The following RTTN variants were observed in gnomAD, a reference collection of about 807,000 sequenced individuals.
The protein encoded by RTTN is rotatin.
Under a neutral mutation model 269.2 loss-of-function variants are expected in RTTN, and 182 were observed. The observed-to-expected ratio is 0.68, with a 90% CI of 0.60 to 0.76. The LOEUF (loss-of-function observed/expected upper bound fraction) is 0.76. Ranked by LOEUF, RTTN falls within the 30% of genes least tolerant of loss-of-function variation. The probability of loss-of-function intolerance (pLI) is 0.00; values close to 1 mark genes in which losing one functional copy is unlikely to be tolerated. For synonymous variants in RTTN, 1,006 were observed against 963.5 expected (o/e 1.04, Z -0.82); for missense variants, 2,545 against 2,608.6 (o/e 0.98, Z 0.53).
Position 70,020,451 on chromosome 18 carries a change from T to A in RTTN, c.6153+164A>T, listed in dbSNP as rs544034828. On this transcript the variant is annotated intron_variant, in intron 45 of 48. Transcript: ENST00000640769. Reference sequence around the variant, plus strand: ...CCTGTCCTTCTGCACGTGTCATCTATCAACTGGCTTTAAACAAAGTGAACC... The same window carrying A: ...CCTGTCCTTCTGCACGTGTCATCTAACAACTGGCTTTAAACAAAGTGAACC... Among the ~76,000 whole-genome samples the A allele has an allele frequency of 2.6e-5, 4 of 152,332 alleles. No individual in the cohort carries two copies. In the South Asian group the frequency reaches 8.3e-4, roughly 32 times the overall value.
At chr18:70,063,810 TA>T in intron 35 of RTTN, among the ~76,000 whole-genome samples, 1 of 152,194 alleles carries the variant, frequency 6.6e-6, no homozygotes, top group East Asian at 1.9e-4. Flanking sequence ...ATTTATTTTG[TA>T]AAACTAAGGA....
chr18:70,033,438 A>T (rs1170283275), intron 40 of RTTN, among the ~76,000 whole-genome samples: 1 of 152,244 alleles, frequency 6.6e-6, no homozygotes, highest in African/African-American at 2.4e-5. Context: ...AAAACCATTC[A>T]TTTACATTGA....
At chr18:70,199,572 G>T (rs1360716262) in intron 4 of RTTN, 68 bp from the exon 5 acceptor site, 1 of 1,147,898 alleles carries the variant, frequency 8.7e-7, no homozygotes, top group Non-Finnish European at 1.3e-6. Context: ...AATGTTAAGA[G>T]TAAGTTTTCC....
intron 8 of RTTN, among the ~76,000 whole-genome samples, chr18:70,192,810 A>G (rs2061708353): frequency 6.6e-6 from 1 of 152,218 alleles, no homozygotes; most frequent in South Asian, 2.1e-4. Flanking sequence ...TTGTTATAAG[A>G]CTTACAAAAA....
chr18:70,019,436 C>G (rs534988479), intron 45 of RTTN: 23 of 152,238 alleles, frequency 1.5e-4, no homozygotes, highest in African/African-American at 4.8e-4. Context: ...AAGAGAATGT[C>G]TCATTTTGGA....
chr18:70,076,993 A>C (rs182608548), intron 32 of RTTN, among the ~76,000 whole-genome samples: 4 of 152,062 alleles, frequency 2.6e-5, no homozygotes, highest in African/African-American at 9.6e-5. Flanking sequence ...AAACACGCCA[A>C]ACACCCAAGA....
At chr18:70,176,389 AC>A (rs1276716773) in intron 11 of RTTN, among the ~76,000 whole-genome samples, 2 of 152,196 alleles carry the variant, frequency 1.3e-5, no homozygotes, top group Non-Finnish European at 2.9e-5. Flanking sequence ...TAAATTATTC[AC>A]TGAATGAACA....
intron 40 of RTTN, among the ~76,000 whole-genome samples, chr18:70,044,701 C>T (rs1296020267): frequency 6.6e-6 from 1 of 152,124 alleles, no homozygotes; most frequent in African/African-American, 2.4e-5. Flanking sequence ...TGCACTCATC[C>T]TTCTTCGTCT....
At chr18:70,104,816 T>G (rs1000482966) in intron 28 of RTTN, among the ~76,000 whole-genome samples, 1 of 152,166 alleles carries the variant, frequency 6.6e-6, no homozygotes, top group African/African-American at 2.4e-5. Flanking sequence ...AGAGCAAATG[T>G]TACAGAACAG....
chr18:70,049,366 C>T (rs905301163), intron 39 of RTTN, among the ~76,000 whole-genome samples: 3 of 152,082 alleles, frequency 2.0e-5, no homozygotes, highest in African/African-American at 7.2e-5. Context: ...AAGAAAATCC[C>T]AATGTCTTAA....
intron 10 of RTTN, among the ~76,000 whole-genome samples, chr18:70,184,707 TTTTTTTTTTTGTGTGTGTGTGTGTG>T (rs1275503924): frequency 0.04 from 2,415 of 60,688 alleles, 104 homozygotes; most frequent in African/African-American, 0.13. Flanking sequence ...CAGCAGGTTT[TTTTTTTTTTTGTGTGTGTGTGTGTG>T]TGTGTGTGTG....
intron 43 of RTTN, among the ~76,000 whole-genome samples, chr18:70,025,091 G>C (rs1264285525): frequency 6.6e-6 from 1 of 152,176 alleles, no homozygotes; most frequent in Non-Finnish European, 1.5e-5. Context: ...AGGAAGCATA[G>C]AAAATAGCCT....
chr18:70,020,374 C>T (rs1395917316), intron 45 of RTTN, among the ~76,000 whole-genome samples: 1 of 152,148 alleles, frequency 6.6e-6, no homozygotes, highest in Non-Finnish European at 1.5e-5. Flanking sequence ...AAAATACAAT[C>T]CGAAAGCTAA....
intron 29 of RTTN, 116 bp downstream of exon 29, chr18:70,092,560 A>G (rs2058879112): frequency 2.5e-6 from 3 of 1,178,878 alleles, no homozygotes; most frequent in Non-Finnish European, 1.2e-6. Context: ...TTACCTAAAA[A>G]GAAAAGTCAA....
chr18:70,021,403 A>T (rs2056700843), intron 44 of RTTN, among the ~76,000 whole-genome samples: 1 of 152,038 alleles, frequency 6.6e-6, no homozygotes, highest in South Asian at 2.1e-4. Flanking sequence ...GAGAAAAAAA[A>T]ATTAGAAATA....
At chr18:70,160,259 G>C (rs1483495997) in intron 14 of RTTN, among the ~76,000 whole-genome samples, 2 of 151,776 alleles carry the variant, frequency 1.3e-5, no homozygotes, top group Non-Finnish European at 2.9e-5. Flanking sequence ...CTTATCCACT[G>C]GATGCAAGGT....
intron 9 of RTTN, 122 bp downstream of exon 9, chr18:70,190,416 C>A: frequency 3.4e-6 from 2 of 586,510 alleles, no homozygotes; most frequent in South Asian, 4.0e-5. Context: ...AATTTATATC[C>A]CAAAAGATAA....
At chr18:70,034,637 G>A (rs2057116848) in intron 40 of RTTN, among the ~76,000 whole-genome samples, 1 of 152,154 alleles carries the variant, frequency 6.6e-6, no homozygotes, top group African/African-American at 2.4e-5. Flanking sequence ...ACTGGCACAA[G>A]ACAAGGATGC....
intron 4 of RTTN, 137 bp from the exon 5 acceptor site, chr18:70,199,641 C>G (rs931426099): frequency 1.9e-5 from 11 of 566,938 alleles, no homozygotes; most frequent in Non-Finnish European, 3.2e-5. Flanking sequence ...ATATACCAAA[C>G]AAGGTCAGCT....
Sources: gnomAD v4.1 joint callset for allele counts (sites outside exome capture counted in the v4.1 genomes callset) on GRCh38, gnomAD v4.1.1 for gene constraint, MANE v1.5 for transcripts, NCBI Gene and HGNC (gene_info 2026-07-23, HGNC 2026-07-21) for gene names.